The following SURF4 variants were observed in gnomAD, a reference collection of about 807,000 sequenced individuals.
The protein encoded by SURF4 is surfeit 4, also known as surfeit locus protein 4.
SURF4 carries 3 observed loss-of-function variants against 30.0 expected under a neutral mutation model. That is an observed-to-expected ratio of 0.10 (90% CI 0.05 to 0.26). The LOEUF is 0.26. SURF4 is among the 10% of genes least tolerant of loss of function. SURF4 has a pLI of 1.00. For missense variants in SURF4, 217 were observed against 350.8 expected (o/e 0.62, Z 3.05); for synonymous variants, 143 against 139.9 (o/e 1.02, Z -0.16).
chr9:133,377,577 C>T (rs184793628), upstream of SURF4, among the ~76,000 whole-genome samples: 36 of 152,210 alleles, frequency 2.4e-4, no homozygotes, highest in Admixed American at 2.0e-4. Context: ...GCTGGAGAAT[C>T]GCTTGAACCC....
upstream of SURF4, chr9:133,376,095 G>A (rs2130245244): frequency 9.1e-6 from 11 of 1,203,878 alleles, no homozygotes; most frequent in African/African-American, 9.5e-5. Context: ...GTCGGCTGCG[G>A]CTCCAGCGGC....
chr9:133,371,763 G>A lies in SURF4; in HGVS notation c.48+4159C>T, dbSNP rs2130191931. The stretch of plus-strand genomic sequence containing the variant: ...ACCAGTCACCAGCATGGTGTTCATC[G>A]GGACCCTCACAGTGCCTGTGCCACC... On this transcript the variant is annotated intron_variant, in intron 1 of 5. Transcript: ENST00000371989. Among the ~76,000 whole-genome samples, 301 of 152,276 alleles carry A rather than the reference G, an allele frequency of 2.0e-3. 6 individuals are homozygous for A. The highest frequency in any genetic ancestry group is 6.5e-3 in the African/African-American group (271 of 41,548).
chr9:133,365,402 G>C (rs1272250032), intron 4 of SURF4, among the ~76,000 whole-genome samples: 4 of 152,116 alleles, frequency 2.6e-5, no homozygotes, highest in Admixed American at 2.0e-4. Flanking sequence ...AGAAGAGACG[G>C]CTTCAGTCTC....
chr9:133,376,586 C>T, upstream of SURF4: 1 of 1,551,832 alleles, frequency 6.4e-7, no homozygotes, highest in Non-Finnish European at 8.7e-7. Flanking sequence ...TGCGGGGAGG[C>T]GGGAGCTCCG....
chr9:133,363,238 GC>G lies in SURF4; in HGVS notation c.*254del. 4.5e-6 allele frequency: 3 copies of G among 673,732 alleles called. No individual in the cohort carries two copies. Among genetic ancestry groups the G allele is most frequent in the Admixed American group, 2.5e-5 (1 of 40,696 alleles). The allele number at this position is 673,732 out of a possible 1,614,324, so 41.7% of individuals were successfully genotyped here. A position where few individuals can be genotyped will look rare whatever the true frequency, so the allele number is the denominator to read the frequency against. On this transcript the variant is annotated 3_prime_UTR_variant, in exon 6 of 6. Transcript: ENST00000371989. This position sits in a 1 kb window ranked among gnomAD's most constrained non-coding sequence, Gnocchi z 4.3. ...AGCCAAGCGGGCTGTTCACTCCAAA[GC>G]CTCGGCGTGGGGGAGGCTTCCAGCT...
intron 1 of SURF4, 97 bp from the exon 2 acceptor site, chr9:133,367,542 C>T (rs2130145451): frequency 2.8e-5 from 45 of 1,580,212 alleles, no homozygotes; most frequent in Middle Eastern, 4.5e-4. Flanking sequence ...GAGGAACAGA[C>T]GCTGTGGAAG....
intron 5 of SURF4, among the ~76,000 whole-genome samples, chr9:133,364,428 C>T (rs1413292816): frequency 6.6e-6 from 1 of 152,152 alleles, no homozygotes; most frequent in Non-Finnish European, 1.5e-5. Flanking sequence ...CGGTGGCTCA[C>T]GCCTGTAATC....
At chr9:133,373,360 AG>A (rs1837619041) in intron 1 of SURF4, among the ~76,000 whole-genome samples, 1 of 152,194 alleles carries the variant, frequency 6.6e-6, no homozygotes, top group South Asian at 2.1e-4. Context: ...GAACTTTAGG[AG>A]GCCAAGGCGG....
At position 133,371,030 on chromosome 9, in the gene SURF4, A is replaced by G. The variant is rs1837477666; in HGVS notation, c.49-3585T>C. The G allele has an allele frequency of 2.4e-6, 3 of 1,276,120 alleles. No individual in the cohort carries two copies. In the Admixed American group the frequency reaches 7.1e-5, roughly 30 times the overall value. The allele number at this position is 1,276,120 out of a possible 1,614,324, so 79.0% of individuals were successfully genotyped here. A position where few individuals can be genotyped will look rare whatever the true frequency, so the allele number is the denominator to read the frequency against. On this transcript the variant is annotated intron_variant, in intron 1 of 5. Coordinates refer to ENST00000371989, the MANE Select transcript of SURF4 (RefSeq NM_033161.4). ...TTTAGACGACTGAAGGGGATTTTAGAAACGTAATTAATTATATCCACCCTG... is the reference window on the plus strand; with the variant it reads ...TTTAGACGACTGAAGGGGATTTTAGGAACGTAATTAATTATATCCACCCTG...
At chr9:133,368,439 G>A (rs1022278797) in intron 1 of SURF4, among the ~76,000 whole-genome samples, 6 of 152,270 alleles carry the variant, frequency 3.9e-5, no homozygotes, top group Admixed American at 2.0e-4. Flanking sequence ...TGCAAGCTCA[G>A]GATCTGACGT....
rs1836965251 is a variant in SURF4, at chr9:133,363,552, G to A, written c.751C>T (p.Leu251=). ...CCCCCAGGGCCCAGGGCCACCACCAGGAGCAAGCCCCCAATCACCGACATG... is the reference window on the plus strand; with the variant it reads ...CCCCCAGGGCCCAGGGCCACCACCAAGAGCAAGCCCCCAATCACCGACATG... The part of the protein sequence containing the change: ...QTMSVIGGLL[L]VVALGPGGVS... Residue 251 remains leucine, a synonymous_variant, in exon 6 of 6, where the codon CTG becomes TTG. Transcript: ENST00000371989. The surrounding 1 kb of genome is among the most constrained non-coding windows in gnomAD (Gnocchi z 4.3). The A allele has an allele frequency of 6.2e-7, 1 of 1,614,186 alleles. No individual in the cohort carries two copies.
chr9:133,366,490 A>G (rs2130126363), intron 3 of SURF4, 109 bp downstream of exon 3: 6 of 1,230,638 alleles, frequency 4.9e-6, no homozygotes, highest in Non-Finnish European at 7.1e-6. Context: ...AGTCAGAGAC[A>G]TGCAGGGGGC....
intron 1 of SURF4, among the ~76,000 whole-genome samples, chr9:133,367,789 G>C (rs1837267669): frequency 6.6e-6 from 1 of 152,232 alleles, no homozygotes; most frequent in South Asian, 2.1e-4. Context: ...TTCCAAGGTG[G>C]CACTGCCACA....
chr9:133,363,263 C>A lies in SURF4; in HGVS notation c.*230G>T. 1 of 744,606 alleles carries A rather than the reference C, an allele frequency of 1.3e-6. No homozygotes were observed. The highest frequency in any genetic ancestry group is 2.3e-6 in the Non-Finnish European group (1 of 432,092). 46.1% of individuals were successfully genotyped at this position (744,606 alleles called of 1,614,324 possible). ...GCCTCGGCGTGGGGGAGGCTTCCAG[C>A]TGCCAGGCTGGCCTGCACTGAAGGG... On this transcript the variant is annotated 3_prime_UTR_variant, in exon 6 of 6. Transcript: ENST00000371989. This position sits in a 1 kb window ranked among gnomAD's most constrained non-coding sequence, Gnocchi z 4.3.
chr9:133,371,377 C>T (rs2130188508), intron 1 of SURF4, among the ~76,000 whole-genome samples: 3 of 152,226 alleles, frequency 2.0e-5, no homozygotes, highest in Admixed American at 1.3e-4. Context: ...AGAACTTCCC[C>T]GAGCCCCGCT....
intron 1 of SURF4, chr9:133,375,444 A>AGC (rs1837834938): frequency 1.0e-6 from 1 of 981,814 alleles, no homozygotes; most frequent in Non-Finnish European, 1.2e-6. Flanking sequence ...GGCGCACGCC[A>AGC]GCGCGCCCCC....
intron 5 of SURF4, among the ~76,000 whole-genome samples, chr9:133,364,230 G>A (rs2130099918): frequency 2.0e-5 from 3 of 152,260 alleles, no homozygotes; most frequent in Non-Finnish European, 2.9e-5. Context: ...AGAAAGATAC[G>A]AACAGTGAGG....
chr9:133,366,084 A>G, intron 3 of SURF4, 56 bp from the exon 4 acceptor site: 1 of 1,556,734 alleles, frequency 6.4e-7, no homozygotes, highest in South Asian at 1.1e-5. Flanking sequence ...AGGCATTTCC[A>G]CAGACTTCAT....
chr9:133,376,404 G>A (rs756245505), upstream of SURF4: 11 of 1,461,286 alleles, frequency 7.5e-6, no homozygotes, highest in Non-Finnish European at 1.0e-5. Context: ...GGAGGATCCC[G>A]CGGGTCCCAC....
Sources: gnomAD v4.1 joint callset for allele counts (sites outside exome capture counted in the v4.1 genomes callset) on GRCh38, gnomAD v4.1.1 for gene constraint, Gnocchi (gnomAD v3.1) non-coding constraint, MANE v1.5 for transcripts, NCBI Gene and HGNC (gene_info 2026-07-23, HGNC 2026-07-21) for gene names.